Variants in ARHGAP15 observed in about 807,000 individuals in gnomAD.
The protein encoded by ARHGAP15 is rho GTPase-activating protein 15.
Under a neutral mutation model 63.7 loss-of-function variants are expected in ARHGAP15, and 51 were observed. That is an observed-to-expected ratio of 0.80 (90% confidence interval 0.64 to 1.01). The LOEUF (loss-of-function observed/expected upper bound fraction) is 1.01. ARHGAP15 is among the 50% of genes least tolerant of loss of function. ARHGAP15 has a pLI of 0.00. For synonymous variants in ARHGAP15, 191 were observed against 193.8 expected, an observed-to-expected ratio of 0.99 and a Z score of 0.12; for missense variants, 560 against 564.6, an observed-to-expected ratio of 0.99 and a Z score of 0.08.
chr2:143,415,630 T>C (rs1015040509), intron 6 of ARHGAP15, among the ~76,000 whole-genome samples: 1 of 152,222 alleles, frequency 6.6e-6, no homozygotes, highest in East Asian at 1.9e-4. Context: ...TTTAAAAGAA[T>C]GCTGGTGAAA....
intron 13 of ARHGAP15, among the ~76,000 whole-genome samples, chr2:143,723,357 TGAA>T (rs1396595225): frequency 2.0e-5 from 3 of 152,156 alleles, no homozygotes; most frequent in Admixed American, 6.6e-5. Flanking sequence ...AGGCTGGGGC[TGAA>T]GGAGGATGCT....
At chr2:143,445,010 C>T (rs72853737) in intron 8 of ARHGAP15, among the ~76,000 whole-genome samples, 17,082 of 151,726 alleles carry the variant, frequency 0.11, 1,357 homozygotes, top group African/African-American at 0.23. Flanking sequence ...AATAAATATA[C>T]CCTATTTGTA....
At chr2:143,225,607 AAAAAC>A (rs148636064) in intron 4 of ARHGAP15, among the ~76,000 whole-genome samples, 34 of 151,932 alleles carry the variant, frequency 2.2e-4, no homozygotes, top group African/African-American at 2.4e-4. Context: ...CTCCGTCTCA[AAAAAC>A]AAAACAAAAC....
intron 6 of ARHGAP15, among the ~76,000 whole-genome samples, chr2:143,278,073 T>G (rs1251795570): frequency 6.6e-6 from 1 of 152,172 alleles, no homozygotes; most frequent in East Asian, 1.9e-4. Flanking sequence ...CATTTTATCC[T>G]ATGTAGAAAG....
chr2:143,342,857 A>G (rs1243253915), intron 6 of ARHGAP15, among the ~76,000 whole-genome samples: 1 of 152,038 alleles, frequency 6.6e-6, no homozygotes, highest in African/African-American at 2.4e-5. Flanking sequence ...TATTGACAAT[A>G]TTAATCACCT....
At chr2:143,626,901 C>A (rs1353514437) in intron 12 of ARHGAP15, among the ~76,000 whole-genome samples, 1 of 152,090 alleles carries the variant, frequency 6.6e-6, no homozygotes. Context: ...TTCTCACCCC[C>A]AAGGTCATGG....
intron 2 of ARHGAP15, among the ~76,000 whole-genome samples, chr2:143,193,144 C>A (rs903840179): frequency 1.3e-5 from 2 of 152,098 alleles, no homozygotes; most frequent in African/African-American, 4.8e-5. Flanking sequence ...CAGGGAAGCA[C>A]AGAGGACAGA....
intron 6 of ARHGAP15, among the ~76,000 whole-genome samples, chr2:143,322,025 T>G (rs960601721): frequency 2.0e-5 from 3 of 152,222 alleles, no homozygotes; most frequent in Admixed American, 6.5e-5. Context: ...ATCTAGATGA[T>G]TACTTCTTTT....
chr2:143,522,860 T>C (rs1313926118), intron 10 of ARHGAP15, among the ~76,000 whole-genome samples: 3 of 152,176 alleles, frequency 2.0e-5, no homozygotes, highest in African/African-American at 4.8e-5. Context: ...TTTTTCACTA[T>C]GTTATAGAAC....
At chr2:143,552,196 G>C (rs1321261140) in intron 10 of ARHGAP15, among the ~76,000 whole-genome samples, 1 of 152,188 alleles carries the variant, frequency 6.6e-6, no homozygotes, top group Non-Finnish European at 1.5e-5. Context: ...TTTGCAGACT[G>C]TAGAGGTTCA....
intron 10 of ARHGAP15, among the ~76,000 whole-genome samples, chr2:143,534,676 C>T (rs760779814): frequency 1.3e-5 from 2 of 151,912 alleles, no homozygotes; most frequent in Non-Finnish European, 2.9e-5. Flanking sequence ...CTGAGGAGTT[C>T]GAGATCAACC....
chr2:143,227,199 T>C (rs775970514), intron 4 of ARHGAP15, among the ~76,000 whole-genome samples: 20 of 152,186 alleles, frequency 1.3e-4, no homozygotes, highest in Non-Finnish European at 4.4e-5. Flanking sequence ...ATATATATTC[T>C]AACTATAGAA....
At chr2:143,693,341 A>C (rs980037470) in intron 12 of ARHGAP15, among the ~76,000 whole-genome samples, 8 of 152,324 alleles carry the variant, frequency 5.3e-5, no homozygotes, top group South Asian at 4.1e-4. Context: ...TTTGTGATCC[A>C]TTTGAAACAA....
intron 6 of ARHGAP15, among the ~76,000 whole-genome samples, chr2:143,259,876 G>A (rs1204362678): frequency 6.6e-6 from 1 of 152,084 alleles, no homozygotes; most frequent in Admixed American, 6.6e-5. Context: ...ATTTCTGTTG[G>A]CAAATAAATA....
chr2:143,193,112 G>A (rs1426030311), intron 2 of ARHGAP15, among the ~76,000 whole-genome samples: 1 of 152,148 alleles, frequency 6.6e-6, no homozygotes, highest in East Asian at 1.9e-4. Context: ...AATCGAAGGT[G>A]GAGAAACACA....
chr2:143,218,440 C>T (rs1692856096), intron 4 of ARHGAP15, among the ~76,000 whole-genome samples: 1 of 151,906 alleles, frequency 6.6e-6, no homozygotes, highest in Non-Finnish European at 1.5e-5. Flanking sequence ...TTGCTTCAAT[C>T]CCTTGTAGAC....
intron 12 of ARHGAP15, among the ~76,000 whole-genome samples, chr2:143,664,769 T>C (rs1344216823): frequency 1.3e-5 from 2 of 152,210 alleles, no homozygotes; most frequent in African/African-American, 4.8e-5. Flanking sequence ...CAAACTACCA[T>C]CAGAGAATAC....
chr2:143,373,204 T>TG (rs1686639380), intron 6 of ARHGAP15, among the ~76,000 whole-genome samples: 1 of 152,148 alleles, frequency 6.6e-6, no homozygotes, highest in Non-Finnish European at 1.5e-5. Context: ...ATTTTATAGA[T>TG]GAAAATATCA....
At chr2:143,329,998 A>G (rs1251315474) in intron 6 of ARHGAP15, among the ~76,000 whole-genome samples, 1 of 146,590 alleles carries the variant, frequency 6.8e-6, no homozygotes, top group Non-Finnish European at 1.5e-5. Flanking sequence ...AGCCTGAAGC[A>G]GGAGAATCGC....
Sources: gnomAD v4.1 joint callset for allele counts (sites outside exome capture counted in the v4.1 genomes callset) on GRCh38, gnomAD v4.1.1 for gene constraint, MANE v1.5 for transcripts, NCBI Gene and HGNC (gene_info 2026-07-23, HGNC 2026-07-21) for gene names.